ZPBP: variants seen among roughly 807,000 people sequenced by gnomAD.
ZPBP encodes the protein zona pellucida-binding protein 1.
In ZPBP, 26 loss-of-function variants were observed where a neutral mutation model predicts 44.8. The observed-to-expected ratio is 0.58, with a 90% CI of 0.43 to 0.81. ZPBP has a LOEUF of 0.81. Among genes scored for constraint, ZPBP ranks in the 30% least tolerant of loss-of-function variants. The pLI is 0.00. For missense variants in ZPBP, 409 were observed against 434.0 expected (o/e 0.94, Z 0.51); for synonymous variants, 174 against 153.2 (o/e 1.14, Z -1.00).
intron 6 of ZPBP, among the ~76,000 whole-genome samples, chr7:49,988,044 G>A (rs765517906): frequency 7.2e-5 from 11 of 152,068 alleles, no homozygotes; most frequent in South Asian, 2.1e-4. Context: ...TTAATCTTGC[G>A]AAAGAAATTT....
At chr7:50,092,329 C>T (rs1272326601) in intron 1 of ZPBP, among the ~76,000 whole-genome samples, 1 of 152,106 alleles carries the variant, frequency 6.6e-6, no homozygotes, top group Non-Finnish European at 1.5e-5. Flanking sequence ...CATTTGTTTC[C>T]TTTCTCCTCC....
intron 1 of ZPBP, among the ~76,000 whole-genome samples, chr7:49,926,761 G>A (rs1355371349): frequency 6.6e-6 from 1 of 152,230 alleles, no homozygotes; most frequent in African/African-American, 2.4e-5. Context: ...AAGAGAAAAA[G>A]GGAAGGAAGA....
chr7:50,082,011 A>T (rs1246696719), intron 2 of ZPBP, 112 bp from the exon 3 acceptor site: 1 of 1,225,156 alleles, frequency 8.2e-7, no homozygotes, highest in Non-Finnish European at 1.1e-6. Flanking sequence ...ACTTTGAATT[A>T]TTGCTCCTAT....
Position 50,058,254 on chromosome 7 carries a change from G to A in ZPBP, c.335-113C>T, listed in dbSNP as rs1801070224. On this transcript the variant is annotated intron_variant, in intron 3 of 7. Coordinates refer to ENST00000046087, the MANE Select transcript of ZPBP (RefSeq NM_007009.3). Reference sequence around the variant, plus strand: ...TTTACCAACACAGTCAATGAAAGGAGTGGGGGGCATAGCTAGGACATTACA... The same window carrying A: ...TTTACCAACACAGTCAATGAAAGGAATGGGGGGCATAGCTAGGACATTACA... 9 of 1,125,892 alleles carry A rather than the reference G, an allele frequency of 8.0e-6. No homozygotes were observed. In the Admixed American group the frequency reaches 1.4e-4, roughly 18 times the overall value. The allele number at this position is 1,125,892 out of a possible 1,614,324, so 69.7% of individuals were successfully genotyped here.
At chr7:50,014,465 C>CTTTTTTTT (rs11378550) in intron 6 of ZPBP, among the ~76,000 whole-genome samples, 2 of 132,388 alleles carry the variant, frequency 1.5e-5, no homozygotes, top group Non-Finnish European at 1.6e-5. Flanking sequence ...CTTTCTTTTT[C>CTTTTTTTT]TTTTTTTTTT....
rs187652036 is a variant in ZPBP, at chr7:49,954,746, G to A, written c.962-17124C>T. The stretch of plus-strand genomic sequence containing the variant: ...TTCAAATATGTGGCAAAACTAAAAG[G>A]AGAAATAGACAAATTCACAATAATA... On this transcript the variant is annotated intron_variant, in intron 7 of 7. Coordinates refer to ENST00000046087, the MANE Select transcript of ZPBP (RefSeq NM_007009.3). Among the ~76,000 whole-genome samples the A allele has an allele frequency of 4.6e-5, 7 of 152,152 alleles. No individual in the cohort carries two copies. In the East Asian group the frequency reaches 1.4e-3, roughly 29 times the overall value.
intron 2 of ZPBP, among the ~76,000 whole-genome samples, 181 bp downstream of exon 2, chr7:50,089,448 A>G (rs1309683850): frequency 6.6e-6 from 1 of 152,106 alleles, no homozygotes; most frequent in African/African-American, 2.4e-5. Flanking sequence ...TAGTTATAGC[A>G]TATAGTATTA....
Position 50,055,235 on chromosome 7 carries a change from A to G in ZPBP, c.487+2754T>C, listed in dbSNP as rs1391250688. On this transcript the variant is annotated intron_variant, in intron 4 of 7. Transcript: ENST00000046087. ...CAGATATTTAAATGTTTCATACAGT[A>G]CCATCTGAGGAAGGGAAAATGTGAA... Among the ~76,000 whole-genome samples the G allele has an allele frequency of 2.4e-4, 36 of 152,206 alleles. 1 individual carries two copies. The highest frequency in any genetic ancestry group is 4.7e-4 in the Non-Finnish European group (32 of 68,014).
intron 7 of ZPBP, among the ~76,000 whole-genome samples, chr7:49,969,439 G>A (rs986379939): frequency 6.8e-6 from 1 of 147,066 alleles, no homozygotes; most frequent in African/African-American, 2.5e-5. Context: ...CCAATATAAA[G>A]AGAAGATTAT....
At chr7:49,972,919 C>A (rs1177119347) in intron 7 of ZPBP, among the ~76,000 whole-genome samples, 2 of 151,452 alleles carry the variant, frequency 1.3e-5, no homozygotes, top group African/African-American at 4.8e-5. Context: ...AAAAAAAAAA[C>A]CACTTGTATA....
intron 2 of ZPBP, among the ~76,000 whole-genome samples, chr7:49,874,522 C>T (rs1218195487): frequency 6.6e-6 from 1 of 151,108 alleles, no homozygotes; most frequent in East Asian, 2.0e-4. Context: ...AATGTATCCT[C>T]GTTGTTACAT....
chr7:50,025,271 T>A (rs1026124521), intron 5 of ZPBP, among the ~76,000 whole-genome samples: 2 of 151,824 alleles, frequency 1.3e-5, no homozygotes, highest in Admixed American at 6.6e-5. Flanking sequence ...ATATTTTGTG[T>A]TTATCTACAA....
At chr7:49,959,405 T>C (rs1795754063) in intron 7 of ZPBP, among the ~76,000 whole-genome samples, 1 of 152,038 alleles carries the variant, frequency 6.6e-6, no homozygotes, top group African/African-American at 2.4e-5. Flanking sequence ...AGGTTAATAT[T>C]TTAAAAATCC....
chr7:50,014,400 T>C (rs779420607), intron 6 of ZPBP, among the ~76,000 whole-genome samples: 5 of 150,078 alleles, frequency 3.3e-5, no homozygotes, highest in Non-Finnish European at 7.4e-5. Context: ...CAGAGAAGAG[T>C]GGAACGAAAA....
intron 5 of ZPBP, among the ~76,000 whole-genome samples, chr7:50,019,733 C>A (rs1798999898): frequency 6.6e-6 from 1 of 151,994 alleles, no homozygotes; most frequent in African/African-American, 2.4e-5. Context: ...TCACTCTTGC[C>A]ATCTGAGTTG....
At chr7:50,084,195 G>T (rs1802510313) in intron 2 of ZPBP, among the ~76,000 whole-genome samples, 1 of 151,812 alleles carries the variant, frequency 6.6e-6, no homozygotes, top group African/African-American at 2.4e-5. Context: ...AAGGATGTGG[G>T]AAAATGGGAC....
At chr7:49,937,405 G>A, downstream of ZPBP, 1 of 760,414 alleles carries the variant, frequency 1.3e-6, no homozygotes, top group Non-Finnish European at 2.2e-6. Context: ...TACAGTATTT[G>A]ATTAAAATGA....
downstream of ZPBP, among the ~76,000 whole-genome samples, chr7:49,936,827 T>C (rs1794633320): frequency 6.6e-6 from 1 of 152,242 alleles, no homozygotes; most frequent in East Asian, 1.9e-4. Context: ...TGATTGTTGA[T>C]TATTTTTTCT....
At chr7:50,068,626 G>C (rs1214181172) in intron 3 of ZPBP, among the ~76,000 whole-genome samples, 2 of 152,120 alleles carry the variant, frequency 1.3e-5, no homozygotes, top group African/African-American at 4.8e-5. Flanking sequence ...AAGGGTTGCT[G>C]CTAGTAAATT....
Sources: gnomAD v4.1 joint callset for allele counts (sites outside exome capture counted in the v4.1 genomes callset) on GRCh38, gnomAD v4.1.1 for gene constraint, MANE v1.5 for transcripts, NCBI Gene and HGNC (gene_info 2026-07-23, HGNC 2026-07-21) for gene names.